IGBP1C: variants seen among roughly 807,000 people sequenced by gnomAD.
IGBP1C encodes the protein IGBP1 family member C, also known as immunoglobulin-binding protein 1 family member C.
At chr17:58,678,683 G>A in the IGBP1C span, among the ~76,000 whole-genome samples, 2 of 151,954 alleles carry the variant, frequency 1.3e-5, no homozygotes, top group African/African-American at 4.8e-5. Context: ...ATAGGATGGG[G>A]GAAACGGGGA....
the IGBP1C span, chr17:58,660,466 T>C: frequency 1.0e-5 from 6 of 602,150 alleles, no homozygotes; most frequent in African/African-American, 1.1e-4. Context: ...ACATTAAGCA[T>C]CTTTGCCTTC....
the IGBP1C span, among the ~76,000 whole-genome samples, chr17:58,684,681 A>AT: frequency 6.8e-6 from 1 of 147,026 alleles, no homozygotes; most frequent in Admixed American, 6.9e-5. Context: ...AAATAAATAA[A>AT]AAGCTTTCTT....
At chr17:58,676,933 A>G in the IGBP1C span, among the ~76,000 whole-genome samples, 1 of 152,200 alleles carries the variant, frequency 6.6e-6, no homozygotes, top group East Asian at 1.9e-4. Flanking sequence ...TCTGGCCAGC[A>G]TGGCGAAACC....
the IGBP1C span, among the ~76,000 whole-genome samples, chr17:58,662,794 A>G: frequency 2.4e-4 from 36 of 152,200 alleles, no homozygotes; most frequent in Non-Finnish European, 2.6e-4. Context: ...GTTTTGTTAC[A>G]TAAGTTCACA....
the IGBP1C span, among the ~76,000 whole-genome samples, chr17:58,663,256 C>G: frequency 5.3e-5 from 8 of 151,786 alleles, no homozygotes; most frequent in African/African-American, 1.9e-4. Flanking sequence ...AACCCTGTCT[C>G]TACTAAAAAT....
At chr17:58,669,532 G>A in the IGBP1C span, among the ~76,000 whole-genome samples, 1 of 150,360 alleles carries the variant, frequency 6.7e-6, no homozygotes, top group Non-Finnish European at 1.5e-5. Flanking sequence ...TCAGGAGTTC[G>A]AAACCAGCCT....
the IGBP1C span, among the ~76,000 whole-genome samples, chr17:58,689,652 TGAAA>T: frequency 1.3e-5 from 2 of 152,152 alleles, no homozygotes; most frequent in African/African-American, 4.8e-5. Flanking sequence ...CTTCCCTCCC[TGAAA>T]GATTTTTTTT....
At chr17:58,665,230 C>T in the IGBP1C span, among the ~76,000 whole-genome samples, 1 of 151,998 alleles carries the variant, frequency 6.6e-6, no homozygotes, top group South Asian at 2.1e-4. Context: ...GGTCTCAAGC[C>T]ATCCTCCTGC....
the IGBP1C span, among the ~76,000 whole-genome samples, chr17:58,689,091 C>A: frequency 1.3e-5 from 2 of 151,782 alleles, no homozygotes; most frequent in South Asian, 2.1e-4. Flanking sequence ...CCACCACACC[C>A]GGCTAATTTT....
chr17:58,675,153 A>C, the IGBP1C span: 1 of 152,182 alleles, frequency 6.6e-6, no homozygotes, highest in Non-Finnish European at 1.5e-5. Context: ...CCAAAAAAAA[A>C]AAAAGATGCA....
chr17:58,660,806 GC>G, the IGBP1C span: 4 of 781,906 alleles, frequency 5.1e-6, no homozygotes, highest in Admixed American at 1.7e-5. Context: ...TGTCATGGAA[GC>G]CAGACTTGGA....
the IGBP1C span, among the ~76,000 whole-genome samples, chr17:58,689,017 GC>G: frequency 1.3e-5 from 2 of 151,928 alleles, no homozygotes; most frequent in African/African-American, 4.8e-5. Flanking sequence ...TGCAAGCTCT[GC>G]CTCCCGGGTT....
chr17:58,688,840 G>C, the IGBP1C span, among the ~76,000 whole-genome samples: 1 of 152,128 alleles, frequency 6.6e-6, no homozygotes. Context: ...GAAGTATCCA[G>C]TTTAAGCCTG....
At chr17:58,661,199 T>C in the IGBP1C span, 1 of 797,972 alleles carries the variant, frequency 1.3e-6, no homozygotes, top group Non-Finnish European at 2.3e-6. Context: ...TTCAGCTGAG[T>C]TGGTCTTGGT....
At chr17:58,678,652 C>T in the IGBP1C span, among the ~76,000 whole-genome samples, 3 of 151,908 alleles carry the variant, frequency 2.0e-5, no homozygotes, top group African/African-American at 7.2e-5. Context: ...GGGTGGGGAA[C>T]ATCATACACC....
At chr17:58,671,582 C>T in the IGBP1C span, among the ~76,000 whole-genome samples, 1 of 152,168 alleles carries the variant, frequency 6.6e-6, no homozygotes, top group Non-Finnish European at 1.5e-5. Flanking sequence ...TGTCTCCTGC[C>T]TGTGGTCCAT....
chr17:58,685,384 C>T, the IGBP1C span, among the ~76,000 whole-genome samples: 4 of 147,976 alleles, frequency 2.7e-5, no homozygotes, highest in Admixed American at 6.8e-5. Context: ...TGCAGTGAGC[C>T]GAGATCACAC....
chr17:58,686,627 A>G, the IGBP1C span, among the ~76,000 whole-genome samples: 3 of 152,218 alleles, frequency 2.0e-5, no homozygotes, highest in Non-Finnish European at 4.4e-5. Flanking sequence ...GGCATTAAAA[A>G]AGCCAAGTAA....
chr17:58,688,807 C>CG, the IGBP1C span, among the ~76,000 whole-genome samples: 731 of 151,742 alleles, frequency 4.8e-3, 4 homozygotes, highest in South Asian at 0.013. Flanking sequence ...AACATATTCC[C>CG]GGGGGGGGTT....
Sources: allele counts gnomAD v4.1 joint callset (sites outside exome capture counted in the v4.1 genomes callset), GRCh38; gene constraint gnomAD v4.1.1; transcripts MANE v1.5; gene names NCBI Gene and HGNC (gene_info 2026-07-23, HGNC 2026-07-21).